The following KHDRBS1 variants were observed in gnomAD, a reference collection of about 807,000 sequenced individuals.
The protein encoded by KHDRBS1 is KH domain-containing, RNA-binding, signal transduction-associated protein 1.
A neutral mutation model predicts 48.4 loss-of-function variants in KHDRBS1; 7 were observed. That is an observed-to-expected ratio of 0.14 (90% CI 0.08 to 0.27). The LOEUF (loss-of-function observed/expected upper bound fraction) is 0.27. KHDRBS1 is among the 10% of genes least tolerant of loss of function. The pLI, the probability that KHDRBS1 is intolerant of heterozygous loss-of-function variation, is 1.00. For synonymous variants in KHDRBS1, 241 were observed against 235.8 expected, an observed-to-expected ratio of 1.02 and a Z score of -0.20; for missense variants, 458 against 601.2, an observed-to-expected ratio of 0.76 and a Z score of 2.49.
chr1:32,045,975 G>A (rs1476325111), downstream of KHDRBS1, among the ~76,000 whole-genome samples: 1 of 152,122 alleles, frequency 6.6e-6, no homozygotes, highest in Non-Finnish European at 1.5e-5. Flanking sequence ...TTGGTGAGTT[G>A]TTAGGAAAGG....
chr1:32,049,830 T>G (rs1444395741), intron 10 of KHDRBS1, among the ~76,000 whole-genome samples: 1 of 151,750 alleles, frequency 6.6e-6, no homozygotes, highest in Non-Finnish European at 1.5e-5. Flanking sequence ...CCCGGCTAAT[T>G]CTTTGTATTT....
rs1639323160 is a variant in KHDRBS1, at chr1:32,043,664, A to C, written c.*1040A>C. ...TAGTCAAGTATGTCTCAACACTAGC[A>C]TGATATAAAAAGGGACACTGCAGCT... On this transcript the variant is annotated 3_prime_UTR_variant, in exon 9 of 9. Transcript: ENST00000327300. 1 of 152,662 alleles carries C rather than the reference A, an allele frequency of 6.6e-6. No individual in the cohort carries two copies. Among genetic ancestry groups the C allele is most frequent in the Admixed American group, 6.5e-5 (1 of 15,284 alleles). 9.5% of individuals were successfully genotyped at this position (152,662 alleles called of 1,614,324 possible).
intron 1 of KHDRBS1, among the ~76,000 whole-genome samples, chr1:32,021,026 G>A (rs978783522): frequency 6.6e-6 from 1 of 152,050 alleles, no homozygotes; most frequent in African/African-American, 2.4e-5. Flanking sequence ...TTCTGATTGT[G>A]ATACAGATAT....
intron 1 of KHDRBS1, among the ~76,000 whole-genome samples, chr1:32,019,417 G>A (rs1355361961): frequency 1.3e-5 from 2 of 152,048 alleles, no homozygotes; most frequent in Admixed American, 6.6e-5. Context: ...GGGCGTGGTG[G>A]CAGGTGCCTG....
chr1:32,013,920 AC>A lies in KHDRBS1; in HGVS notation c.-71del. 7.7e-7 allele frequency: 1 copy of A among 1,299,152 alleles called. No individual in the cohort carries two copies. The highest frequency in any genetic ancestry group is 9.8e-7 in the Non-Finnish European group (1 of 1,016,320). The allele number at this position is 1,299,152 out of a possible 1,614,324, so 80.5% of individuals were successfully genotyped here. On this transcript the variant is annotated 5_prime_UTR_variant, in exon 1 of 9. Transcript: ENST00000327300. ...CGGTCGCTACCGCTCCCGCTCTGCCACCCCCGCCAACCGCCGCTCGGGCCTC... is the reference window on the plus strand; with the variant it reads ...CGGTCGCTACCGCTCCCGCTCTGCCACCCCGCCAACCGCCGCTCGGGCCTC...
chr1:32,035,307 A>G (rs879753577), intron 4 of KHDRBS1, among the ~76,000 whole-genome samples: 5 of 152,066 alleles, frequency 3.3e-5, no homozygotes, highest in Non-Finnish European at 7.4e-5. Context: ...ATGGTCTGGC[A>G]TTGGTTACTT....
chr1:32,042,405 G>A (rs188927565), intron 8 of KHDRBS1, 122 bp from the exon 9 acceptor site: 45 of 648,638 alleles, frequency 6.9e-5, no homozygotes, highest in African/African-American at 1.3e-4. Context: ...AACACCAGGG[G>A]AAGTGTCAAG....
intron 1 of KHDRBS1, among the ~76,000 whole-genome samples, chr1:32,027,540 G>A (rs1638999792): frequency 1.3e-5 from 2 of 152,190 alleles, no homozygotes; most frequent in South Asian, 4.1e-4. Flanking sequence ...TCTATTCCAA[G>A]CACTGAAACA....
intron 1 of KHDRBS1, among the ~76,000 whole-genome samples, chr1:32,023,748 AG>A (rs1344919003): frequency 6.6e-6 from 1 of 152,150 alleles, no homozygotes; most frequent in African/African-American, 2.4e-5. Context: ...AGACATACAG[AG>A]TTGAAAAAGA....
chr1:32,025,149 G>T (rs1476036613), intron 1 of KHDRBS1, among the ~76,000 whole-genome samples: 2 of 149,720 alleles, frequency 1.3e-5, no homozygotes, highest in Admixed American at 1.3e-4. Flanking sequence ...GCCTATGGTT[G>T]CACCTACTGG....
intron 1 of KHDRBS1, among the ~76,000 whole-genome samples, chr1:32,020,787 G>A (rs1465586422): frequency 6.6e-6 from 1 of 152,160 alleles, no homozygotes; most frequent in Non-Finnish European, 1.5e-5. Context: ...ATTAGTGGTT[G>A]CCAGTGGTGA....
At chr1:32,042,062 G>A (rs1163071249) in intron 8 of KHDRBS1, among the ~76,000 whole-genome samples, 2 of 152,218 alleles carry the variant, frequency 1.3e-5, no homozygotes, top group Non-Finnish European at 2.9e-5. Context: ...CTGTTGCATG[G>A]AAGTGGGGCT....
At chr1:32,028,548 G>T (rs1639020090) in intron 1 of KHDRBS1, among the ~76,000 whole-genome samples, 1 of 143,756 alleles carries the variant, frequency 7.0e-6, no homozygotes, top group Admixed American at 7.0e-5. Context: ...TGTCGCCCAG[G>T]CTGGAGTGCA....
At chr1:32,057,738 G>T (rs1413913523) in intron 10 of KHDRBS1, among the ~76,000 whole-genome samples, 1 of 151,270 alleles carries the variant, frequency 6.6e-6, no homozygotes. Flanking sequence ...GGCAGAGCTT[G>T]CAGTGAGCTG....
chr1:32,021,420 C>T (rs193127698), intron 1 of KHDRBS1, among the ~76,000 whole-genome samples: 2 of 151,928 alleles, frequency 1.3e-5, no homozygotes, highest in Admixed American at 6.6e-5. Context: ...AATAAAGAAC[C>T]TATTGGCTTT....
At chr1:32,049,712 A>G (rs1483524461) in intron 10 of KHDRBS1, among the ~76,000 whole-genome samples, 3 of 149,496 alleles carry the variant, frequency 2.0e-5, no homozygotes, top group Non-Finnish European at 4.4e-5. Context: ...CCCAGGCTGG[A>G]GTGCAGTGGC....
At chr1:32,047,238 G>A (rs570016321), downstream of KHDRBS1, among the ~76,000 whole-genome samples, 1 of 152,148 alleles carries the variant, frequency 6.6e-6, no homozygotes, top group East Asian at 1.9e-4. Flanking sequence ...AGCTTACTGC[G>A]ACCTCCACCT....
chr1:32,055,503 C>T (rs1449835479), intron 10 of KHDRBS1, among the ~76,000 whole-genome samples: 1 of 152,118 alleles, frequency 6.6e-6, no homozygotes, highest in Non-Finnish European at 1.5e-5. Context: ...TTGAGACCCA[C>T]ATGTACCTCC....
chr1:32,036,797 CTCA>C (rs1181240358), intron 4 of KHDRBS1, 110 bp from the exon 5 acceptor site: 9 of 1,148,798 alleles, frequency 7.8e-6, no homozygotes, highest in Non-Finnish European at 7.3e-6. Flanking sequence ...GACCTGAGAC[CTCA>C]TCTGGGCTCT....
Sources: gnomAD v4.1 joint callset for allele counts (sites outside exome capture counted in the v4.1 genomes callset) on GRCh38, gnomAD v4.1.1 for gene constraint, MANE v1.5 for transcripts, NCBI Gene and HGNC (gene_info 2026-07-23, HGNC 2026-07-21) for gene names.